The following NDUFA8 variants were observed in gnomAD, a reference collection of about 807,000 sequenced individuals.
NDUFA8 encodes the protein NADH dehydrogenase [ubiquinone] 1 alpha subcomplex subunit 8.
Under a neutral mutation model 20.9 loss-of-function variants are expected in NDUFA8, and 16 were observed. The ratio of observed to expected loss-of-function variants is 0.77; its 90% CI spans 0.52 to 1.16. NDUFA8 has a LOEUF of 1.16. Ranked by LOEUF, NDUFA8 falls within the 50% of genes most tolerant of loss-of-function variation. NDUFA8 has a pLI of 0.00. For synonymous variants in NDUFA8, 70 were observed against 76.1 expected, an observed-to-expected ratio of 0.92 and a Z score of 0.41; for missense variants, 202 against 216.4, an observed-to-expected ratio of 0.93 and a Z score of 0.42.
At chr9:122,143,499 G>A (rs1255154062), downstream of NDUFA8, among the ~76,000 whole-genome samples, 2 of 152,208 alleles carry the variant, frequency 1.3e-5, no homozygotes, top group Non-Finnish European at 2.9e-5. Flanking sequence ...TCAACCTCTT[G>A]CAAGAGGTTA....
At chr9:122,139,435 T>C (rs116125497), downstream of NDUFA8, among the ~76,000 whole-genome samples, 777 of 152,292 alleles carry the variant, frequency 5.1e-3, 3 homozygotes, top group African/African-American at 0.018. Context: ...TGTTTTTGAA[T>C]TGCCTGTTTA....
chr9:122,137,786 G>C, the NDUFA8 span, among the ~76,000 whole-genome samples: 12 of 152,188 alleles, frequency 7.9e-5, no homozygotes, highest in Admixed American at 5.2e-4. Flanking sequence ...TCTTGACTTG[G>C]AAAAGAGCTT....
chr9:122,159,482 C>T (rs1053670123), intron 1 of NDUFA8, 145 bp downstream of exon 1: 3 of 951,750 alleles, frequency 3.2e-6, no homozygotes, highest in Admixed American at 1.8e-5. Context: ...GCGGAGGGGA[C>T]CTCCGGGGGT....
downstream of NDUFA8, among the ~76,000 whole-genome samples, chr9:122,141,238 T>C (rs190917790): frequency 6.6e-6 from 1 of 152,248 alleles, no homozygotes. Context: ...AGAATGCCAG[T>C]AAGGATTTGG....
the NDUFA8 span, among the ~76,000 whole-genome samples, chr9:122,132,560 A>G: frequency 3.3e-5 from 5 of 151,720 alleles, no homozygotes; most frequent in Non-Finnish European, 5.9e-5. Flanking sequence ...CAGTAGAAAG[A>G]GCCCTGGACT....
At chr9:122,146,697 G>C (rs1010053460) in intron 3 of NDUFA8, among the ~76,000 whole-genome samples, 3 of 152,202 alleles carry the variant, frequency 2.0e-5, no homozygotes, top group Non-Finnish European at 4.4e-5. Context: ...AGGATCTCAA[G>C]ACCAGACTGG....
chr9:122,135,757 T>A, the NDUFA8 span, among the ~76,000 whole-genome samples: 1 of 152,134 alleles, frequency 6.6e-6, no homozygotes. Flanking sequence ...GCCCAGCTAA[T>A]TTTTTCATTT....
chr9:122,152,854 ATCTT>A (rs775053903), intron 1 of NDUFA8, among the ~76,000 whole-genome samples: 38 of 152,256 alleles, frequency 2.5e-4, no homozygotes, highest in Non-Finnish European at 4.6e-4. Flanking sequence ...CCCTAATAGA[ATCTT>A]TATTTATGGT....
chr9:122,152,130 T>A, intron 2 of NDUFA8, 115 bp downstream of exon 2: 1 of 1,203,196 alleles, frequency 8.3e-7, no homozygotes, highest in Non-Finnish European at 1.2e-6. Context: ...TACCTTGGTC[T>A]GATTTCAAAG....
At chr9:122,139,167 T>C (rs1280740145), downstream of NDUFA8, among the ~76,000 whole-genome samples, 3 of 152,338 alleles carry the variant, frequency 2.0e-5, no homozygotes, top group East Asian at 5.8e-4. Context: ...TCTCTGTTCC[T>C]GAAGCACAGC....
intron 1 of NDUFA8, among the ~76,000 whole-genome samples, chr9:122,152,787 T>G (rs571987458): frequency 2.8e-4 from 43 of 152,220 alleles, no homozygotes; most frequent in Non-Finnish European, 5.3e-4. Context: ...TTCTTCACTT[T>G]TACAATAGTC....
rs1828869700 is a variant in NDUFA8 at position 122,144,381 on chromosome 9, G to C, written c.382-3C>G. On this transcript the variant is annotated splice_region_variant and splice_polypyrimidine_tract_variant and intron_variant, in intron 3 of 3. Transcript: ENST00000373768. Reference sequence around the variant, plus strand: ...CGATCTGTTTTCACTTTGGTGACCTGGGAAGGGTGAAGAGGGCAAAAGCAA... The same window carrying C: ...CGATCTGTTTTCACTTTGGTGACCTCGGAAGGGTGAAGAGGGCAAAAGCAA... 6.2e-7 allele frequency: 1 copy of C among 1,614,108 alleles called. No homozygotes were observed. Among genetic ancestry groups the C allele is most frequent in the Non-Finnish European group, 8.5e-7 (1 of 1,179,988 alleles).
chr9:122,157,397 G>A (rs1035269735), intron 1 of NDUFA8, among the ~76,000 whole-genome samples: 1 of 152,200 alleles, frequency 6.6e-6, no homozygotes, highest in Non-Finnish European at 1.5e-5. Flanking sequence ...TAATCAAGGT[G>A]ACCGGCAGGT....
intron 2 of NDUFA8, 105 bp downstream of exon 2, chr9:122,152,140 G>C: frequency 1.5e-6 from 2 of 1,299,440 alleles, no homozygotes; most frequent in East Asian, 2.3e-5. Context: ...TGATTTCAAA[G>C]CCTATGTACT....
At chr9:122,140,040 T>G (rs1218364406), downstream of NDUFA8, among the ~76,000 whole-genome samples, 3 of 152,172 alleles carry the variant, frequency 2.0e-5, no homozygotes, top group Non-Finnish European at 4.4e-5. Flanking sequence ...CAGACATCAG[T>G]ATTTCGGGAT....
At chr9:122,159,525 G>A in intron 1 of NDUFA8, 102 bp downstream of exon 1, 4 of 1,436,014 alleles carry the variant, frequency 2.8e-6, no homozygotes, top group South Asian at 1.1e-5. Flanking sequence ...ACTGGGGAGG[G>A]GGGCCCGGGT....
At chr9:122,140,958 T>C (rs1461724752), downstream of NDUFA8, among the ~76,000 whole-genome samples, 1 of 152,128 alleles carries the variant, frequency 6.6e-6, no homozygotes, top group African/African-American at 2.4e-5. Context: ...CATACTACAT[T>C]GTGTCACGGG....
At chr9:122,142,719 G>A (rs758361671), downstream of NDUFA8, among the ~76,000 whole-genome samples, 4 of 152,188 alleles carry the variant, frequency 2.6e-5, no homozygotes, top group Non-Finnish European at 5.9e-5. Flanking sequence ...GGTGAAACAT[G>A]TAAAGCACTT....
downstream of NDUFA8, among the ~76,000 whole-genome samples, chr9:122,139,841 G>A (rs988290609): frequency 1.3e-5 from 2 of 152,144 alleles, no homozygotes; most frequent in East Asian, 1.9e-4. Flanking sequence ...TTACAGGTAC[G>A]TACCACTACG....
Sources: allele counts gnomAD v4.1 joint callset (sites outside exome capture counted in the v4.1 genomes callset), GRCh38; gene constraint gnomAD v4.1.1; transcripts MANE v1.5; gene names NCBI Gene and HGNC (gene_info 2026-07-23, HGNC 2026-07-21).